The following PRUNE2 variants were observed in gnomAD, a reference collection of about 807,000 sequenced individuals.
The protein encoded by PRUNE2 is protein prune homolog 2.
In PRUNE2, 164 loss-of-function variants were observed where a neutral mutation model predicts 252.0. The ratio of observed to expected loss-of-function variants is 0.65; its 90% CI spans 0.57 to 0.74. The LOEUF is 0.74. Ranked by LOEUF, PRUNE2 falls within the 30% of genes least tolerant of loss-of-function variation. PRUNE2 has a pLI of 0.00. For missense variants in PRUNE2, 3,495 were observed against 3,711.0 expected (o/e 0.94, Z 1.51); for synonymous variants, 1,292 against 1,350.2 (o/e 0.96, Z 0.94).
chr9:76,706,727 A>G lies in PRUNE2; in HGVS notation c.5547T>C (p.Ser1849=). The change falls in exon 8 of 19, where the codon TCT becomes TCC. Residue 1849 remains serine (S), a synonymous_variant. Transcript: ENST00000376718. ...TTATCTCCAACACACCACTGGAGTCAGACAGCTCCCTTTCAAATGGACTTT... is the reference window on the plus strand; with the variant it reads ...TTATCTCCAACACACCACTGGAGTCGGACAGCTCCCTTTCAAATGGACTTT... ...LIESPFEREL[S]DSSGVLEINS... 6.2e-7 allele frequency: 1 copy of G among 1,613,174 alleles called. No individual in the cohort carries two copies. The highest frequency in any genetic ancestry group is 1.6e-4 in the Middle Eastern group (1 of 6,062).
chr9:76,793,980 T>G (rs2055807680), intron 6 of PRUNE2, among the ~76,000 whole-genome samples: 1 of 152,212 alleles, frequency 6.6e-6, no homozygotes. Context: ...AGTAAGGGCT[T>G]GGGCAACCAC....
At chr9:76,655,527 C>T (rs905525302) in intron 9 of PRUNE2, 25 bp from the exon 10 acceptor site, 13 of 1,553,532 alleles carry the variant, frequency 8.4e-6, no homozygotes, top group Non-Finnish European at 1.2e-5. Context: ...AAGCAAAGCG[C>T]GTCAACAACA....
Position 76,710,435 on chromosome 9 carries a change from C to G in PRUNE2, c.1839G>C (p.Met613Ile). The G allele has an allele frequency of 6.2e-7, 1 of 1,613,960 alleles. No individual in the cohort carries two copies. The highest frequency in any genetic ancestry group is 8.5e-7 in the Non-Finnish European group (1 of 1,179,898). Residue 613 changes from methionine (M) to isoleucine (I), a missense_variant, in exon 8 of 19, where the codon ATG becomes ATC. By Grantham distance (10) the Met-to-Ile change is conservative (BLOSUM62 1). Transcript: ENST00000376718. ...NTGKRIPPTP[M>I]NSLVESSPST... ...ATGGCGAGCTTTCTACTAAACTATT[C>G]ATGGGTGTTGGTGGGATCCTCTTTC...
Position 76,707,987 on chromosome 9 carries a change from G to T in PRUNE2, c.4287C>A (p.Thr1429=), listed in dbSNP as rs1240609350. 2 of 1,613,642 alleles carry T rather than the reference G, an allele frequency of 1.2e-6. No individual in the cohort carries two copies. The highest frequency in any genetic ancestry group is 1.7e-6 in the Non-Finnish European group (2 of 1,179,792). The part of the protein sequence containing the change: ...MSADNLQPKD[T]HEKHLMSQRN... The stretch of plus-strand genomic sequence containing the variant: ...TTTGACTCATGAGGTGTTTTTCATG[G>T]GTATCTTTTGGCTGCAGGTTATCTG... Residue 1429 remains threonine (T), a synonymous_variant, in exon 8 of 19, where the codon ACC becomes ACA. Transcript: ENST00000376718.
At chr9:76,671,207 A>G (rs1192093628) in intron 9 of PRUNE2, among the ~76,000 whole-genome samples, 2 of 144,724 alleles carry the variant, frequency 1.4e-5, no homozygotes, top group African/African-American at 5.1e-5. Context: ...GAAGTGCTTA[A>G]AGGAGCTGAT....
chr9:76,712,240 G>T (rs1022151074), intron 7 of PRUNE2, among the ~76,000 whole-genome samples: 3 of 152,130 alleles, frequency 2.0e-5, no homozygotes, highest in South Asian at 4.1e-4. Context: ...AATTCCACAA[G>T]GTAGGAACTC....
chr9:76,685,395 T>C (rs1215347277), intron 9 of PRUNE2, among the ~76,000 whole-genome samples: 1 of 152,176 alleles, frequency 6.6e-6, no homozygotes. Context: ...GCACATATGC[T>C]GTCACATTCC....
intron 1 of PRUNE2, among the ~76,000 whole-genome samples, chr9:76,893,037 C>T (rs1054602525): frequency 4.6e-5 from 7 of 152,012 alleles, no homozygotes; most frequent in Non-Finnish European, 8.8e-5. Context: ...GACAAAAGTT[C>T]GAGACGAGCC....
chr9:76,708,844 C>T lies in PRUNE2; in HGVS notation c.3430G>A (p.Gly1144Ser). Reference sequence around the variant, plus strand: ...TGACCATCACTGGGGATTGCCGCACCCCCACTGCAGTCATCCCAGTCCAAA... The same window carrying T: ...TGACCATCACTGGGGATTGCCGCACTCCCACTGCAGTCATCCCAGTCCAAA... ...NDLDWDDCSG[G>S]AAIPSDGQTE... The change falls in exon 8 of 19, where the codon GGT becomes AGT. Residue 1144 changes from glycine to serine, a missense_variant. By Grantham distance (56) the Gly-to-Ser change is moderately conservative (BLOSUM62 0). Transcript: ENST00000376718. 6.2e-7 allele frequency: 1 copy of T among 1,613,964 alleles called. No homozygotes were observed. Among genetic ancestry groups the T allele is most frequent in the Non-Finnish European group, 8.5e-7 (1 of 1,179,902 alleles).
At chr9:76,746,140 T>A (rs2050081051) in intron 6 of PRUNE2, among the ~76,000 whole-genome samples, 1 of 152,210 alleles carries the variant, frequency 6.6e-6, no homozygotes, top group Non-Finnish European at 1.5e-5. Context: ...TCCCATCTTC[T>A]GGCAAAAGCT....
At chr9:76,743,828 G>C (rs1174237774) in intron 6 of PRUNE2, among the ~76,000 whole-genome samples, 1 of 152,146 alleles carries the variant, frequency 6.6e-6, no homozygotes, top group Non-Finnish European at 1.5e-5. Context: ...TAGTTACCTT[G>C]GGGGAAGGTA....
intron 6 of PRUNE2, among the ~76,000 whole-genome samples, chr9:76,728,106 G>A (rs889267687): frequency 5.9e-5 from 9 of 152,076 alleles, no homozygotes; most frequent in Non-Finnish European, 1.3e-4. Flanking sequence ...CCTAAAATAT[G>A]GCAGATATTT....
Position 76,641,349 on chromosome 9 carries a change from A to G in PRUNE2, c.8729-3061T>C, listed in dbSNP as rs115715183. 4.6e-3 allele frequency among the ~76,000 whole-genome samples: 707 copies of G among 152,332 alleles called. 10 individuals carry two copies. Among genetic ancestry groups the G allele is most frequent in the African/African-American group, 0.017 (686 of 41,574 alleles). The stretch of plus-strand genomic sequence containing the variant: ...GAAATAAAAGAAAGATTTCCACATG[A>G]AAGTTTTCCTCCAAAATCAAGAGCC... On this transcript the variant is annotated intron_variant, in intron 12 of 18. Transcript: ENST00000376718.
At chr9:76,795,692 C>G (rs12006156) in intron 6 of PRUNE2, among the ~76,000 whole-genome samples, 1 of 152,098 alleles carries the variant, frequency 6.6e-6, no homozygotes, top group Admixed American at 6.6e-5. Context: ...ATTTTGTTCA[C>G]CGTAAAAATA....
At chr9:76,791,804 TC>T (rs1417456475) in intron 6 of PRUNE2, among the ~76,000 whole-genome samples, 4 of 151,862 alleles carry the variant, frequency 2.6e-5, no homozygotes, top group African/African-American at 9.7e-5. Flanking sequence ...GACTACCCTG[TC>T]CCCCGACTAG....
At chr9:76,652,450 T>C (rs974955908) in intron 11 of PRUNE2, 33 bp downstream of exon 11, 4 of 1,462,320 alleles carry the variant, frequency 2.7e-6, no homozygotes, top group Admixed American at 1.7e-5. Context: ...TTATTTAGCA[T>C]TTAACTTTGG....
intron 6 of PRUNE2, among the ~76,000 whole-genome samples, chr9:76,793,671 G>C (rs1029865547): frequency 3.9e-5 from 6 of 151,952 alleles, no homozygotes; most frequent in African/African-American, 1.5e-4. Context: ...TAGAATCATA[G>C]AAGTTTTTAC....
At chr9:76,682,959 C>T (rs867310763) in intron 9 of PRUNE2, among the ~76,000 whole-genome samples, 3 of 152,198 alleles carry the variant, frequency 2.0e-5, no homozygotes, top group Admixed American at 6.5e-5. Context: ...ATTGACCTCT[C>T]TTCATCTTCT....
rs368031833 is a variant in PRUNE2, at chr9:76,704,006, C to T, written c.7607G>A (p.Cys2536Tyr). The change falls in exon 9 of 19, where the codon TGT becomes TAT. Residue 2536 changes from cysteine to tyrosine, a missense_variant. Transcript: ENST00000376718. ...QIKSEYKEERCTEKNEDRHAL... is the reference protein window; with the variant it reads ...QIKSEYKEERYTEKNEDRHAL... ...ATGACGATCTTCATTCTTCTCTGTACATCTTTCTTCCTTGTATTCTGATTT... is the reference window on the plus strand; with the variant it reads ...ATGACGATCTTCATTCTTCTCTGTATATCTTTCTTCCTTGTATTCTGATTT... 4 of 1,613,730 alleles carry T rather than the reference C, an allele frequency of 2.5e-6. No individual in the cohort carries two copies. Among genetic ancestry groups the T allele is most frequent in the Non-Finnish European group, 3.4e-6 (4 of 1,179,760 alleles).
Sources: allele counts gnomAD v4.1 joint callset (sites outside exome capture counted in the v4.1 genomes callset), GRCh38; gene constraint gnomAD v4.1.1; transcripts MANE v1.5; gene names NCBI Gene and HGNC (gene_info 2026-07-23, HGNC 2026-07-21).